The following PAQR5 variants were observed in gnomAD, a reference collection of about 807,000 sequenced individuals.
The protein encoded by PAQR5 is progestin and adipoQ receptor family member 5.
Under a neutral mutation model 34.5 loss-of-function variants are expected in PAQR5, and 20 were observed. That is an observed-to-expected ratio of 0.58 (90% CI 0.41 to 0.84). The LOEUF (loss-of-function observed/expected upper bound fraction) is 0.84, where lower values mean the gene tolerates loss of function less well. Among genes scored for constraint, PAQR5 ranks in the 40% least tolerant of loss-of-function variants. The probability of loss-of-function intolerance (pLI) is 0.00; values close to 1 mark genes in which losing one functional copy is unlikely to be tolerated. For missense variants in PAQR5, 378 were observed against 412.7 expected (o/e 0.92, Z 0.73); for synonymous variants, 131 against 155.6 (o/e 0.84, Z 1.18).
intron 1 of PAQR5, among the ~76,000 whole-genome samples, chr15:69,319,191 A>ATACATATATATATT (rs2054035913): frequency 6.2e-5 from 2 of 32,008 alleles, no homozygotes; most frequent in Non-Finnish European, 1.1e-4. Context: ...ATATATATAT[A>ATACATATATATATT]TATATATATA....
At chr15:69,364,491 TTA>T (rs1200433025) in intron 3 of PAQR5, among the ~76,000 whole-genome samples, 4 of 147,736 alleles carry the variant, frequency 2.7e-5, no homozygotes, top group African/African-American at 7.4e-5. Flanking sequence ...TATATATACA[TTA>T]TATATGTTAT....
At chr15:69,377,336 C>T (rs1379047131) in intron 3 of PAQR5, among the ~76,000 whole-genome samples, 1 of 152,192 alleles carries the variant, frequency 6.6e-6, no homozygotes, top group Non-Finnish European at 1.5e-5. Flanking sequence ...AGGCTGAAGG[C>T]CATTGGCCTA....
chr15:69,303,868 G>A (rs1159454806), intron 1 of PAQR5, among the ~76,000 whole-genome samples: 5 of 152,148 alleles, frequency 3.3e-5, no homozygotes, highest in Non-Finnish European at 5.9e-5. Flanking sequence ...TCCATCCATG[G>A]GGAGCTTTGG....
At chr15:69,354,672 G>T (rs1278321584) in intron 2 of PAQR5, among the ~76,000 whole-genome samples, 1 of 152,102 alleles carries the variant, frequency 6.6e-6, no homozygotes, top group Non-Finnish European at 1.5e-5. Context: ...GTTAATTTTA[G>T]GTGTCCACTT....
intron 1 of PAQR5, among the ~76,000 whole-genome samples, chr15:69,299,471 ACCTGTGCTTC>A (rs904471781): frequency 1.3e-5 from 2 of 151,774 alleles, no homozygotes; most frequent in African/African-American, 4.8e-5. Context: ...ATTTCTTTAC[ACCTGTGCTTC>A]CCGCCTCCTG....
intron 8 of PAQR5, 107 bp from the exon 9 acceptor site, chr15:69,403,474 G>A: frequency 2.0e-6 from 2 of 1,004,472 alleles, no homozygotes; most frequent in Admixed American, 2.6e-5. Context: ...GTGGTCTCCT[G>A]TCTGGTTTCT....
chr15:69,337,963 G>A (rs1052983422), intron 2 of PAQR5, among the ~76,000 whole-genome samples: 1 of 152,068 alleles, frequency 6.6e-6, no homozygotes, highest in African/African-American at 2.4e-5. Flanking sequence ...TGTGGTCCCA[G>A]TTACTTGGGA....
At chr15:69,375,780 G>A (rs2055689598) in intron 3 of PAQR5, among the ~76,000 whole-genome samples, 1 of 152,172 alleles carries the variant, frequency 6.6e-6, no homozygotes. Context: ...AGGATTCCGT[G>A]AGCAGGAATT....
At chr15:69,358,435 C>G (rs577170885) in intron 2 of PAQR5, among the ~76,000 whole-genome samples, 1 of 152,228 alleles carries the variant, frequency 6.6e-6, no homozygotes, top group South Asian at 2.1e-4. Flanking sequence ...GCTCCTGACC[C>G]TCTTCCACCC....
intron 1 of PAQR5, among the ~76,000 whole-genome samples, chr15:69,328,483 C>T (rs1412446277): frequency 1.3e-5 from 2 of 152,176 alleles, no homozygotes; most frequent in African/African-American, 4.8e-5. Flanking sequence ...GGAGAGGAGT[C>T]GCTGGAGCCC....
chr15:69,309,080 G>A (rs1442569774), intron 1 of PAQR5, among the ~76,000 whole-genome samples: 1 of 152,146 alleles, frequency 6.6e-6, no homozygotes, highest in Non-Finnish European at 1.5e-5. Context: ...GAGCTCAGAA[G>A]AGAGGCCTGG....
intron 1 of PAQR5, among the ~76,000 whole-genome samples, chr15:69,300,620 T>C (rs1465916525): frequency 3.6e-5 from 2 of 55,356 alleles, no homozygotes; most frequent in African/African-American, 1.2e-4. Context: ...TTTCTTTCTT[T>C]CTTTCTTTCT....
intron 3 of PAQR5, among the ~76,000 whole-genome samples, chr15:69,363,957 C>A (rs958267722): frequency 6.6e-6 from 1 of 152,112 alleles, no homozygotes; most frequent in African/African-American, 2.4e-5. Context: ...CAGGAGGATT[C>A]CCTGAGGCAG....
At chr15:69,333,875 TTG>T (rs540304254) in intron 1 of PAQR5, among the ~76,000 whole-genome samples, 8 of 151,056 alleles carry the variant, frequency 5.3e-5, no homozygotes, top group Admixed American at 1.3e-4. Context: ...TTCATATGTG[TTG>T]TGTGTGTGTG....
chr15:69,335,123 C>A (rs1309304276), intron 1 of PAQR5, among the ~76,000 whole-genome samples: 1 of 151,048 alleles, frequency 6.6e-6, no homozygotes, highest in Admixed American at 6.6e-5. Flanking sequence ...ACTCAGAAGG[C>A]TGAGGCAGGA....
chr15:69,320,909 G>C (rs550140295), intron 1 of PAQR5, among the ~76,000 whole-genome samples: 29 of 152,300 alleles, frequency 1.9e-4, no homozygotes, highest in African/African-American at 6.5e-4. Context: ...CTCTACCCTA[G>C]TTGGGGAATA....
intron 6 of PAQR5, among the ~76,000 whole-genome samples, chr15:69,390,359 T>TTTTTC (rs2056231946): frequency 7.0e-6 from 1 of 143,582 alleles, no homozygotes; most frequent in Non-Finnish European, 1.5e-5. Flanking sequence ...TTTATTTATT[T>TTTTTC]ATTTTTTTGA....
chr15:69,397,242 CAGG>C lies in PAQR5; in HGVS notation c.513-223_513-221del, dbSNP rs2056466829. The C allele has an allele frequency of 5.9e-6, 4 of 676,892 alleles. 1 individual carries two copies. The South Asian group carries it at 6.0e-5, about 10-fold the overall frequency. 41.9% of individuals were successfully genotyped at this position (676,892 alleles called of 1,614,324 possible). Reference sequence around the variant, plus strand: ...TCTGGACACCACTGCTTCCCATGGTCAGGAGATGGTGTCCCTGGAGATCTTTTT... The same window carrying C: ...TCTGGACACCACTGCTTCCCATGGTCAGATGGTGTCCCTGGAGATCTTTTT... On this transcript the variant is annotated intron_variant, in intron 6 of 8. Transcript: ENST00000395407.
intron 5 of PAQR5, among the ~76,000 whole-genome samples, chr15:69,386,407 G>A (rs973618661): frequency 4.2e-4 from 64 of 152,050 alleles, no homozygotes; most frequent in African/African-American, 1.5e-3. Context: ...GCCCCTTTCC[G>A]TGTGAGCCAG....
Sources: allele counts gnomAD v4.1 joint callset (sites outside exome capture counted in the v4.1 genomes callset), GRCh38; gene constraint gnomAD v4.1.1; transcripts MANE v1.5; gene names NCBI Gene and HGNC (gene_info 2026-07-23, HGNC 2026-07-21).